POLD1: variants seen among roughly 807,000 people sequenced by gnomAD.
POLD1 encodes the protein DNA polymerase delta catalytic subunit.
A neutral mutation model predicts 129.7 loss-of-function variants in POLD1; 79 were observed. That is an observed-to-expected ratio of 0.61 (90% CI 0.51 to 0.73). The LOEUF is 0.73. Among genes scored for constraint, POLD1 ranks in the 30% least tolerant of loss-of-function variants. The pLI is 0.00. For synonymous variants in POLD1, 714 were observed against 683.3 expected (o/e 1.04, Z -0.70); for missense variants, 1,338 against 1,595.8 (o/e 0.84, Z 2.75).
Position 50,409,541 on chromosome 19 carries a change from G to A in POLD1, c.2029G>A (p.Glu677Lys), listed in dbSNP as rs1233422134. The A allele has an allele frequency of 6.2e-7, 1 of 1,613,548 alleles. No homozygotes were observed. Among genetic ancestry groups the A allele is most frequent in the Non-Finnish European group, 8.5e-7 (1 of 1,180,044 alleles). ...CAGGGCCAAGGCCGAGCTGGCCAAGGAGACAGACCCCCTCCGGCGCCAGGT... is the reference window on the plus strand; with the variant it reads ...CAGGGCCAAGGCCGAGCTGGCCAAGAAGACAGACCCCCTCCGGCGCCAGGT... ...RKRAKAELAK[E>K]TDPLRRQVLD... Residue 677 changes from glutamate (E) to lysine (K), a missense_variant, in exon 17 of 27, where the codon GAG becomes AAG. Physicochemically the swap from Glu to Lys is moderately conservative, Grantham distance 56. This residue lies in a region of POLD1 where 720 missense variants were observed against 1,002.6 expected (regional missense o/e 0.72). Transcript: ENST00000440232. This position sits in a 1 kb window ranked among gnomAD's most constrained non-coding sequence, Gnocchi z 5.8.
chr19:50,416,562 G>T lies in POLD1; in HGVS notation c.2953+34G>T, dbSNP rs549245966. Reference sequence around the variant, plus strand: ...GCACCAGGGGACTGGGGGCACCCTGGGGGGGCAGAGGAGATCACCGGCCCA... The same window carrying T: ...GCACCAGGGGACTGGGGGCACCCTGTGGGGGCAGAGGAGATCACCGGCCCA... On this transcript the variant is annotated intron_variant, in intron 23 of 26. Transcript: ENST00000440232. 9.7e-6 allele frequency: 15 copies of T among 1,547,216 alleles called. No homozygotes were observed. Among genetic ancestry groups the T allele is most frequent in the Non-Finnish European group, 1.3e-5 (15 of 1,148,532 alleles).
intron 1 of POLD1, among the ~76,000 whole-genome samples, chr19:50,389,276 C>T (rs898568360): frequency 6.6e-6 from 1 of 151,960 alleles, no homozygotes; most frequent in Non-Finnish European, 1.5e-5. Flanking sequence ...TGTGTGCCAC[C>T]ACACCCTGCT....
In POLD1 at chr19:50,403,228, C is replaced by T. The variant is rs373860178; in HGVS notation, c.1137+9C>T. On this transcript the variant is annotated intron_variant, in intron 9 of 26. Transcript: ENST00000440232. ...AGGAGGACCTGCTGCAGGTAGCTCT[C>T]GCTCCACGCCCCACACCATTTCCCG... The T allele has an allele frequency of 1.9e-5, 30 of 1,540,094 alleles. No homozygotes were observed. Among genetic ancestry groups the T allele is most frequent in the African/African-American group, 5.5e-5 (4 of 73,114 alleles).
chr19:50,413,590 C>G, intron 18 of POLD1, 69 bp downstream of exon 18: 1 of 1,528,104 alleles, frequency 6.5e-7, no homozygotes, highest in South Asian at 1.1e-5. Context: ...CCGGGCCGGA[C>G]CCCCATGTCC....
intron 1 of POLD1, among the ~76,000 whole-genome samples, chr19:50,384,823 C>A (rs1281141880): frequency 1.3e-5 from 2 of 152,186 alleles, no homozygotes; most frequent in Non-Finnish European, 2.9e-5. Context: ...TAAAGCAGTG[C>A]TCTGGGGCTG....
intron 10 of POLD1, among the ~76,000 whole-genome samples, chr19:50,405,400 C>T (rs1189968102): frequency 6.6e-6 from 1 of 152,144 alleles, no homozygotes; most frequent in Non-Finnish European, 1.5e-5. Context: ...CCTTATTTTC[C>T]TGCTTTTCTC....
At chr19:50,394,298 G>A (rs1246844911) in intron 1 of POLD1, among the ~76,000 whole-genome samples, 9 of 152,208 alleles carry the variant, frequency 5.9e-5, no homozygotes, top group Non-Finnish European at 7.3e-5. Context: ...GTAGCCTTTG[G>A]CTGGGCAGCC....
intron 1 of POLD1, among the ~76,000 whole-genome samples, chr19:50,393,465 G>A (rs908706395): frequency 2.0e-5 from 3 of 152,088 alleles, no homozygotes; most frequent in African/African-American, 7.2e-5. Context: ...GAGCCCAGGG[G>A]TTTCAGACCA....
At position 50,415,447 on chromosome 19, in the gene POLD1, G is replaced by T. The variant is rs1060501820; in HGVS notation, c.2574G>T (p.Glu858Asp). Residue 858 changes from glutamate to aspartate, a missense_variant, in exon 21 of 27, where the codon GAG (glutamate) becomes GAT (aspartate). Transcript: ENST00000440232. ...LRRLLIDRDPEGAVAHAQDVI... is the reference protein window; with the variant it reads ...LRRLLIDRDPDGAVAHAQDVI... The stretch of plus-strand genomic sequence containing the variant: ...GCCCGCTCTCCTACAGAGACCCTGA[G>T]GGCGCGGTGGCTCACGCACAGGACG... 2.6e-5 allele frequency: 42 copies of T among 1,612,464 alleles called. No individual in the cohort carries two copies. The highest frequency in any genetic ancestry group is 3.6e-5 in the Non-Finnish European group (42 of 1,179,740).
intron 3 of POLD1, among the ~76,000 whole-genome samples, chr19:50,400,307 G>A (rs1468052973): frequency 2.4e-5 from 3 of 126,108 alleles, no homozygotes; most frequent in African/African-American, 3.1e-5. Flanking sequence ...TATAACCTCC[G>A]CCTCCTGGGT....
chr19:50,407,533 C>CAA (rs2038940326), intron 14 of POLD1, 118 bp downstream of exon 14: 4 of 447,654 alleles, frequency 8.9e-6, no homozygotes, highest in East Asian at 7.1e-5. Context: ...GCCCCTGCTC[C>CAA]ACAAAATTTT....
At chr19:50,415,853 C>T (rs192902738) in intron 22 of POLD1, 27 bp downstream of exon 22, 56 of 1,397,886 alleles carry the variant, frequency 4.0e-5, no homozygotes, top group Middle Eastern at 2.6e-4. Flanking sequence ...TGCCTGCTCC[C>T]GCCCAGCCCC....
At chr19:50,404,574 CTTTTTTTTTTTTT>C (rs71182717) in intron 10 of POLD1, among the ~76,000 whole-genome samples, 2 of 77,868 alleles carry the variant, frequency 2.6e-5, no homozygotes, top group African/African-American at 1.3e-4. Flanking sequence ...TTTTCTCTTT[CTTTTTTTTTTTTT>C]TTTTTTTTTG....
Position 50,399,481 on chromosome 19 carries a change from G to C in POLD1, c.313G>C (p.Val105Leu). ...IFQQLEIDHY[V>L]GPAQPVPGGP... is the part of the protein sequence containing the mutation. ...CCAACAGTTGGAGATTGACCATTAT[G>C]TGGGTGAGTTTAGGGGTTATGGGTG... Residue 105 changes from valine (V) to leucine (L), a missense_variant, in exon 3 of 27, where the codon GTG (valine) becomes CTG (leucine). Around this residue, in one of 3 missense-constraint regions of POLD1, gnomAD observed 332 missense variants for 315.7 expected, o/e 1.05. Transcript: ENST00000440232. 6.2e-7 allele frequency: 1 copy of C among 1,608,384 alleles called. No homozygotes were observed. The highest frequency in any genetic ancestry group is 8.5e-7 in the Non-Finnish European group (1 of 1,174,758).
chr19:50,396,724 C>T (rs1335488515), intron 1 of POLD1, among the ~76,000 whole-genome samples: 1 of 151,870 alleles, frequency 6.6e-6, no homozygotes, highest in South Asian at 2.1e-4. Flanking sequence ...TCATGATTCA[C>T]CTGCCTCCTA....
chr19:50,411,320 T>C (rs915506138), intron 17 of POLD1, among the ~76,000 whole-genome samples: 3 of 152,152 alleles, frequency 2.0e-5, no homozygotes, highest in African/African-American at 7.2e-5. Flanking sequence ...CCCAGCCTCC[T>C]TGGTGGAAAG....
chr19:50,389,892 T>G (rs1253473047), intron 1 of POLD1, among the ~76,000 whole-genome samples: 4 of 151,442 alleles, frequency 2.6e-5, no homozygotes, highest in South Asian at 2.1e-4. Flanking sequence ...AGCCTGTTTT[T>G]TTTTTTGTTT....
chr19:50,417,895 A>G lies in POLD1; in HGVS notation c.3272A>G (p.Asp1091Gly). 1 of 1,611,830 alleles carries G rather than the reference A, an allele frequency of 6.2e-7. No homozygotes were observed. The highest frequency in any genetic ancestry group is 8.5e-7 in the Non-Finnish European group (1 of 1,179,192). Reference protein sequence around the residue: ...MRKKVRKDLEDQEQLLRRFGP... With the variant: ...MRKKVRKDLEGQEQLLRRFGP... ...AAGAAGGTGCGGAAGGACCTGGAAG[A>G]CCAGGAGCAGCTCCTGCGGCGCTTC... The change falls in exon 27 of 27, where the codon GAC becomes GGC. Residue 1091 changes from aspartate to glycine, a missense_variant. Physicochemically the swap from Asp to Gly is moderately conservative, Grantham distance 94. Transcript: ENST00000440232.
Position 50,401,758 on chromosome 19 carries a change from C to T in POLD1, c.317-20C>T, listed in dbSNP as rs769402694. The T allele has an allele frequency of 1.2e-6, 2 of 1,610,648 alleles. No individual in the cohort carries two copies. The highest frequency in any genetic ancestry group is 1.1e-5 in the South Asian group (1 of 91,078). ...GGACCCTGAGAGGCATGGCCGCTGT[C>T]TTACCCTGTGACCCCACAGGCCCAG... On this transcript the variant is annotated intron_variant, in intron 3 of 26. Transcript: ENST00000440232.
Sources: gnomAD v4.1 joint callset for allele counts (sites outside exome capture counted in the v4.1 genomes callset) on GRCh38, gnomAD v4.1.1 for gene constraint, gnomAD v4.1.1 regional missense constraint, Gnocchi (gnomAD v3.1) non-coding constraint, MANE v1.5 for transcripts, NCBI Gene and HGNC (gene_info 2026-07-23, HGNC 2026-07-21) for gene names.